Variants in FBXW8 observed in about 807,000 individuals in gnomAD.
FBXW8 encodes F-box/WD repeat-containing protein 8.
In FBXW8, 57 loss-of-function variants were observed where a neutral mutation model predicts 65.3. The ratio of observed to expected loss-of-function variants is 0.87; its 90% CI spans 0.71 to 1.09. The LOEUF (loss-of-function observed/expected upper bound fraction) is 1.09, where lower values mean the gene tolerates loss of function less well. Ranked by LOEUF, FBXW8 falls within the 50% of genes least tolerant of loss-of-function variation. The pLI, the probability that FBXW8 is intolerant of heterozygous loss-of-function variation, is 0.00. For synonymous variants in FBXW8, 308 were observed against 330.2 expected (o/e 0.93, Z 0.73); for missense variants, 777 against 814.8 (o/e 0.95, Z 0.57).
chr12:117,022,525 C>T (rs1158162620), intron 8 of FBXW8, among the ~76,000 whole-genome samples: 1 of 152,004 alleles, frequency 6.6e-6, no homozygotes, highest in Middle Eastern at 3.2e-3. Context: ...TGTGGTAGCA[C>T]GTGCTTGTAG....
chr12:116,945,293 A>C, intron 2 of FBXW8, 71 bp from the exon 3 acceptor site: 1 of 1,508,460 alleles, frequency 6.6e-7, no homozygotes, highest in Non-Finnish European at 9.0e-7. Context: ...ATAGGTGTTG[A>C]TTGATTTTTG....
intron 4 of FBXW8, among the ~76,000 whole-genome samples, chr12:116,954,718 A>G (rs1006393094): frequency 6.6e-6 from 1 of 152,092 alleles, no homozygotes; most frequent in Non-Finnish European, 1.5e-5. Flanking sequence ...ATGAATTTTT[A>G]TTTTCCAGAT....
At chr12:116,983,331 T>A (rs1356480623) in intron 5 of FBXW8, among the ~76,000 whole-genome samples, 2 of 152,194 alleles carry the variant, frequency 1.3e-5, no homozygotes, top group Non-Finnish European at 2.9e-5. Context: ...CCAAAATAAT[T>A]GCCAGGGGAA....
chr12:117,027,836 G>A (rs1231399279), intron 10 of FBXW8, among the ~76,000 whole-genome samples, 192 bp from the exon 11 acceptor site: 1 of 152,222 alleles, frequency 6.6e-6, no homozygotes, highest in Non-Finnish European at 1.5e-5. Context: ...TGCGCCCATC[G>A]GACTTGTGCA....
chr12:116,919,057 A>G (rs546803007), intron 1 of FBXW8, among the ~76,000 whole-genome samples: 1 of 152,306 alleles, frequency 6.6e-6, no homozygotes, highest in East Asian at 1.9e-4. Context: ...AACAATTACA[A>G]CAGTATACTA....
At position 116,911,235 on chromosome 12, in the gene FBXW8, C is replaced by T; in HGVS notation, c.198C>T (p.Pro66=). ...GTCTCCTGGAGGGCGCGGGGAGGCC[C>T]CCGGCGGCGCGGGCGACTCGGGCCG... ...AQRLLEGAGR[P]PAARATRAEG... is the part of the protein sequence containing the mutation. Residue 66 remains proline, a synonymous_variant, in exon 1 of 11, where the codon CCC becomes CCT. Transcript: ENST00000652555. The T allele has an allele frequency of 8.1e-7, 1 of 1,240,142 alleles. No homozygotes were observed. Among genetic ancestry groups the T allele is most frequent in the Admixed American group, 4.2e-5 (1 of 23,546 alleles). The allele number at this position is 1,240,142 out of a possible 1,614,324, so 76.8% of individuals were successfully genotyped here. A position where few individuals can be genotyped will look rare whatever the true frequency, so the allele number is the denominator to read the frequency against.
intron 4 of FBXW8, among the ~76,000 whole-genome samples, chr12:116,955,036 T>TGG (rs11375815): frequency 0.019 from 2,389 of 129,060 alleles, 31 homozygotes; most frequent in Admixed American, 0.024. Context: ...CCTCTTGAAA[T>TGG]GGGGGGGGGG....
intron 8 of FBXW8, among the ~76,000 whole-genome samples, chr12:117,012,711 A>G (rs567164641): frequency 2.0e-5 from 3 of 152,248 alleles, no homozygotes; most frequent in African/African-American, 7.2e-5. Flanking sequence ...GAGGAGAACT[A>G]TGTCCTTGGC....
intron 8 of FBXW8, 23 bp from the exon 9 acceptor site, chr12:117,024,124 C>G (rs1300007258): frequency 7.5e-6 from 12 of 1,606,784 alleles, no homozygotes; most frequent in Non-Finnish European, 1.0e-5. Context: ...TTTCCCTTCT[C>G]TGCTCTTCCT....
intron 8 of FBXW8, among the ~76,000 whole-genome samples, chr12:117,022,495 TAA>T (rs915944047): frequency 6.8e-6 from 1 of 147,108 alleles, no homozygotes; most frequent in Non-Finnish European, 1.5e-5. Context: ...CTACTGAAAA[TAA>T]AAAAAAAATT....
At chr12:116,968,955 C>T (rs1326825836) in intron 5 of FBXW8, among the ~76,000 whole-genome samples, 1 of 151,938 alleles carries the variant, frequency 6.6e-6, no homozygotes, top group Admixed American at 6.5e-5. Flanking sequence ...ATCTTTTTTC[C>T]AGCATCTCTT....
At chr12:117,010,473 G>A (rs781030897) in intron 8 of FBXW8, 23 bp downstream of exon 8, 2 of 1,614,116 alleles carry the variant, frequency 1.2e-6, no homozygotes, top group Middle Eastern at 1.7e-4. Flanking sequence ...GAAGGGCATT[G>A]CCTTGCAGCC....
intron 1 of FBXW8, among the ~76,000 whole-genome samples, chr12:116,915,707 C>T (rs993937953): frequency 1.2e-4 from 15 of 128,754 alleles, no homozygotes; most frequent in Non-Finnish European, 1.4e-4. Context: ...GGCTGGAGTG[C>T]GGTGGCATGA....
In FBXW8 at chr12:117,030,449, T is replaced by G. The variant is rs1384997964; in HGVS notation, c.*2277T>G. On this transcript the variant is annotated 3_prime_UTR_variant, in exon 11 of 11. Coordinates refer to ENST00000652555, the MANE Select transcript of FBXW8 (RefSeq NM_153348.3). ...GTGGCCTCGCTTTAGAAGGTTTTCA[T>G]CAAGCCCCGCCCTTTCTCTCTCATA... is the stretch of plus-strand genomic sequence containing the variant. The G allele has an allele frequency of 6.6e-6, 1 of 152,136 alleles. No individual in the cohort carries two copies. Among genetic ancestry groups the G allele is most frequent in the Non-Finnish European group, 1.5e-5 (1 of 68,070 alleles). 9.4% of individuals were successfully genotyped at this position (152,136 alleles called of 1,614,324 possible).
At chr12:117,001,933 C>T (rs1307513414) in intron 7 of FBXW8, among the ~76,000 whole-genome samples, 1 of 152,264 alleles carries the variant, frequency 6.6e-6, no homozygotes, top group Admixed American at 6.5e-5. Context: ...GCTCACTCCA[C>T]AAAGTAGGCC....
chr12:117,004,732 A>G (rs1017580257), intron 7 of FBXW8, among the ~76,000 whole-genome samples: 2 of 152,134 alleles, frequency 1.3e-5, no homozygotes, highest in East Asian at 1.9e-4. Flanking sequence ...CAGGGACCCA[A>G]CTGTAGGTTC....
chr12:116,938,679 A>G (rs1243041217), intron 2 of FBXW8, among the ~76,000 whole-genome samples: 1 of 152,206 alleles, frequency 6.6e-6, no homozygotes, highest in Non-Finnish European at 1.5e-5. Flanking sequence ...CTCATACAGA[A>G]TGTTTAGTTT....
intron 5 of FBXW8, among the ~76,000 whole-genome samples, chr12:116,975,192 G>A (rs1057197005): frequency 2.6e-5 from 4 of 152,204 alleles, no homozygotes; most frequent in African/African-American, 9.6e-5. Context: ...ATTGTCGTAG[G>A]CAAGAATCAC....
chr12:117,011,358 G>A (rs117372432), intron 8 of FBXW8, among the ~76,000 whole-genome samples: 2,189 of 152,184 alleles, frequency 0.014, 37 homozygotes, highest in Non-Finnish European at 0.021. Flanking sequence ...TAGTTATTCT[G>A]TCAAATAATA....
Sources: allele counts gnomAD v4.1 joint callset (sites outside exome capture counted in the v4.1 genomes callset), GRCh38; gene constraint gnomAD v4.1.1; transcripts MANE v1.5; gene names NCBI Gene and HGNC (gene_info 2026-07-23, HGNC 2026-07-21).